Variants in TMPRSS11D observed in about 807,000 individuals in gnomAD.
The protein encoded by TMPRSS11D is transmembrane serine protease 11D.
A neutral mutation model predicts 44.4 loss-of-function variants in TMPRSS11D; 32 were observed. That is an observed-to-expected ratio of 0.72 (90% CI 0.54 to 0.97). The LOEUF (loss-of-function observed/expected upper bound fraction) is 0.97, where lower values mean the gene tolerates loss of function less well. Among genes scored for constraint, TMPRSS11D ranks in the 50% least tolerant of loss-of-function variants. The probability of loss-of-function intolerance (pLI) is 0.00; values close to 1 mark genes in which losing one functional copy is unlikely to be tolerated. For missense variants in TMPRSS11D, 446 were observed against 502.6 expected (o/e 0.89, Z 1.08); for synonymous variants, 179 against 177.9 (o/e 1.01, Z -0.05).
At chr4:67,854,260 G>T in intron 2 of TMPRSS11D, 74 bp from the exon 3 acceptor site, 1 of 768,228 alleles carries the variant, frequency 1.3e-6, no homozygotes, top group East Asian at 2.8e-5. Context: ...TCAGGATTAT[G>T]GGAGGTTATA....
At position 67,822,448 on chromosome 4, in the gene TMPRSS11D, A is replaced by G. The variant is rs1325164562; in HGVS notation, c.1146T>C (p.Phe382=). ...CTCCCCAGCTTACTATCCCCACAAT[A>G]AACCAAAGCCGCCGTGAGTCTTCTT... is the stretch of plus-strand genomic sequence containing the variant. ...LVQEDSRRLW[F]IVGIVSWGDQ... is the part of the protein sequence containing the mutation. The change falls in exon 10 of 10, where the codon TTT becomes TTC. Residue 382 remains phenylalanine (F), a synonymous_variant. Coordinates refer to ENST00000283916, the MANE Select transcript of TMPRSS11D (RefSeq NM_004262.3). 2 of 1,613,892 alleles carry G rather than the reference A, an allele frequency of 1.2e-6. No homozygotes were observed. Among genetic ancestry groups the G allele is most frequent in the Non-Finnish European group, 1.7e-6 (2 of 1,179,890 alleles).
chr4:67,854,301 A>C, intron 2 of TMPRSS11D, 115 bp from the exon 3 acceptor site: 1 of 552,156 alleles, frequency 1.8e-6, no homozygotes. Flanking sequence ...GCTTTCCTTG[A>C]AAGAAAAAGT....
At chr4:67,842,499 A>G in intron 4 of TMPRSS11D, 59 bp downstream of exon 4, 2 of 1,412,428 alleles carry the variant, frequency 1.4e-6, no homozygotes, top group Non-Finnish European at 2.0e-6. Context: ...TCTGTGACAA[A>G]AAGTCAAGTA....
At chr4:67,875,454 C>T (rs1719165088) in intron 1 of TMPRSS11D, among the ~76,000 whole-genome samples, 2 of 152,034 alleles carry the variant, frequency 1.3e-5, no homozygotes, top group African/African-American at 4.8e-5. Context: ...ATGGCTAGCC[C>T]ATGGATAGAT....
chr4:67,855,884 A>G (rs1031231478), intron 2 of TMPRSS11D, among the ~76,000 whole-genome samples: 4 of 152,188 alleles, frequency 2.6e-5, no homozygotes, highest in Non-Finnish European at 2.9e-5. Flanking sequence ...ACAAAAATCT[A>G]TAGCATTTCT....
Position 67,821,041 on chromosome 4 carries a change from G to A in TMPRSS11D, c.*1296C>T, listed in dbSNP as rs1305650640. The A allele has an allele frequency of 1.3e-5, 2 of 152,212 alleles. No individual in the cohort carries two copies. The highest frequency in any genetic ancestry group is 2.4e-5 in the African/African-American group (1 of 41,450). 9.4% of individuals were successfully genotyped at this position (152,212 alleles called of 1,614,324 possible). A position where few individuals can be genotyped will look rare whatever the true frequency, so the allele number is the denominator to read the frequency against. On this transcript the variant is annotated 3_prime_UTR_variant, in exon 10 of 10. Transcript: ENST00000283916. ...GAAATACAAGAAGTTTTCAGCAAAT[G>A]TATGGAGCAGTCCTGATGCCCAGAT... is the stretch of plus-strand genomic sequence containing the variant.
chr4:67,827,944 A>T (rs1717844873), intron 7 of TMPRSS11D, among the ~76,000 whole-genome samples: 1 of 151,934 alleles, frequency 6.6e-6, no homozygotes, highest in African/African-American at 2.4e-5. Flanking sequence ...CAGGAGCTCC[A>T]TTTAAATAGT....
intron 1 of TMPRSS11D, among the ~76,000 whole-genome samples, chr4:67,869,026 C>T (rs980066570): frequency 9.2e-5 from 14 of 152,156 alleles, no homozygotes; most frequent in Non-Finnish European, 1.5e-4. Context: ...ATTGAGCTTG[C>T]GTGACTGGGG....
intron 1 of TMPRSS11D, among the ~76,000 whole-genome samples, chr4:67,868,834 C>G (rs77638852): frequency 6.6e-6 from 1 of 152,062 alleles, no homozygotes; most frequent in African/African-American, 2.4e-5. Flanking sequence ...CAGGAGGTCT[C>G]ATTGTGCAGA....
At position 67,825,716 on chromosome 4, in the gene TMPRSS11D, A is replaced by G. The variant is rs751233055; in HGVS notation, c.1095+16T>C. 1.9e-6 allele frequency: 3 copies of G among 1,611,506 alleles called. No individual in the cohort carries two copies. Among genetic ancestry groups the G allele is most frequent in the Non-Finnish European group, 2.5e-6 (3 of 1,178,678 alleles). ...CTTCTTGGATGATGACATGGATGAG[A>G]TTGTCTTGAGCTTACCTGACATGCG... On this transcript the variant is annotated intron_variant, in intron 9 of 9. Transcript: ENST00000283916.
At chr4:67,868,288 A>G (rs1718973320) in intron 1 of TMPRSS11D, among the ~76,000 whole-genome samples, 1 of 152,160 alleles carries the variant, frequency 6.6e-6, no homozygotes, top group African/African-American at 2.4e-5. Context: ...AGAATAATGG[A>G]GACATGAAAG....
intron 1 of TMPRSS11D, among the ~76,000 whole-genome samples, chr4:67,883,149 A>G (rs1347758029): frequency 3.9e-5 from 6 of 152,026 alleles, no homozygotes; most frequent in Non-Finnish European, 8.8e-5. Context: ...TAGCTAACAC[A>G]TTGTTCATGC....
rs1379295578 is a variant in TMPRSS11D at position 67,854,187 on chromosome 4, C to G, written c.131-1G>C. The G allele has an allele frequency of 1.4e-6, 2 of 1,462,378 alleles. No homozygotes were observed. The highest frequency in any genetic ancestry group is 2.4e-5 in the South Asian group (2 of 82,376). The allele number at this position is 1,462,378 out of a possible 1,614,324, so 90.6% of individuals were successfully genotyped here. On this transcript the variant is annotated splice_acceptor_variant, in intron 2 of 9. Coordinates refer to ENST00000283916, the MANE Select transcript of TMPRSS11D (RefSeq NM_004262.3). LOFTEE classifies it high-confidence loss of function. ...CTCCTATAAAAGTAAGATTTTTGAT[C>G]TGAAAAAGAAATAAAAGGGAAGGTC...
intron 3 of TMPRSS11D, among the ~76,000 whole-genome samples, chr4:67,849,033 C>T (rs1357072339): frequency 6.6e-6 from 1 of 151,988 alleles, no homozygotes; most frequent in Non-Finnish European, 1.5e-5. Context: ...GAGGCGATGG[C>T]TTGGATAGTC....
chr4:67,846,426 T>G (rs1718358797), intron 3 of TMPRSS11D, among the ~76,000 whole-genome samples: 1 of 152,156 alleles, frequency 6.6e-6, no homozygotes, highest in African/African-American at 2.4e-5. Flanking sequence ...TTTATAATTT[T>G]TGAACATTGT....
At chr4:67,834,728 C>T (rs1718032393) in intron 6 of TMPRSS11D, among the ~76,000 whole-genome samples, 1 of 152,114 alleles carries the variant, frequency 6.6e-6, no homozygotes, top group Non-Finnish European at 1.5e-5. Context: ...GGAGAAGCTA[C>T]ATAAACGGTG....
At chr4:67,835,405 C>CT (rs1718055221) in intron 5 of TMPRSS11D, among the ~76,000 whole-genome samples, 1 of 152,004 alleles carries the variant, frequency 6.6e-6, no homozygotes, top group Non-Finnish European at 1.5e-5. Flanking sequence ...ATAGATATCT[C>CT]TTTTTTCAAG....
intron 1 of TMPRSS11D, among the ~76,000 whole-genome samples, chr4:67,874,772 A>G (rs1425393425): frequency 7.9e-5 from 12 of 152,166 alleles, no homozygotes; most frequent in Admixed American, 7.9e-4. Flanking sequence ...GAATCCAGAA[A>G]TTTACTGAAA....
intron 2 of TMPRSS11D, among the ~76,000 whole-genome samples, chr4:67,857,518 G>A (rs1000046730): frequency 5.9e-5 from 9 of 151,940 alleles, no homozygotes; most frequent in Admixed American, 4.6e-4. Flanking sequence ...AGTACTTGGG[G>A]AGGCAGAGCT....
Sources: allele counts gnomAD v4.1 joint callset (sites outside exome capture counted in the v4.1 genomes callset), GRCh38; gene constraint gnomAD v4.1.1; transcripts MANE v1.5; gene names NCBI Gene and HGNC (gene_info 2026-07-23, HGNC 2026-07-21).